Variants in KIAA1217 observed in about 807,000 individuals in gnomAD.
KIAA1217 encodes the protein KIAA1217, also known as sickle tail protein homolog.
Under a neutral mutation model 163.9 loss-of-function variants are expected in KIAA1217, and 88 were observed. The observed-to-expected ratio is 0.54, with a 90% CI of 0.45 to 0.64. The LOEUF (loss-of-function observed/expected upper bound fraction) is 0.64. Ranked by LOEUF, KIAA1217 falls within the 30% of genes least tolerant of loss-of-function variation. KIAA1217 has a pLI of 0.00. For missense variants in KIAA1217, 2,372 were observed against 2,475.0 expected (o/e 0.96, Z 0.88); for synonymous variants, 903 against 923.1 (o/e 0.98, Z 0.39).
intron 1 of KIAA1217, among the ~76,000 whole-genome samples, chr10:23,801,226 C>T (rs1416749326): frequency 6.6e-6 from 1 of 152,132 alleles, no homozygotes; most frequent in Non-Finnish European, 1.5e-5. Context: ...AACACAGGAA[C>T]AGAAAACTAT....
chr10:24,286,784 C>T lies in KIAA1217; in HGVS notation c.354+66875C>T, dbSNP rs75281195. On this transcript the variant is annotated intron_variant, in intron 2 of 20. Coordinates refer to ENST00000376454, the MANE Select transcript of KIAA1217 (RefSeq NM_019590.5). Reference sequence around the variant, plus strand: ...AACTCTTGGTGCTAAGATTCTGTTCCGTAGTTTCTCACCAAAGCATTCTGT... The same window carrying T: ...AACTCTTGGTGCTAAGATTCTGTTCTGTAGTTTCTCACCAAAGCATTCTGT... Among the ~76,000 whole-genome samples, 1,448 of 152,180 alleles carry T rather than the reference C, an allele frequency of 9.5e-3. 29 individuals are homozygous for T. The highest frequency in any genetic ancestry group is 0.084 in the East Asian group (435 of 5,178).
chr10:23,921,801 A>T (rs1842855926), intron 1 of KIAA1217, among the ~76,000 whole-genome samples: 1 of 152,130 alleles, frequency 6.6e-6, no homozygotes, highest in African/African-American at 2.4e-5. Context: ...TATTAGCAAA[A>T]CAGTGCTGTT....
intron 2 of KIAA1217, among the ~76,000 whole-genome samples, chr10:24,304,716 C>T (rs2041808946): frequency 1.3e-5 from 2 of 152,102 alleles, no homozygotes; most frequent in African/African-American, 2.4e-5. Context: ...AGAAAACTTC[C>T]TTACACCTGT....
intron 2 of KIAA1217, among the ~76,000 whole-genome samples, chr10:24,240,489 A>T (rs1423672518): frequency 6.6e-6 from 1 of 152,234 alleles, no homozygotes; most frequent in Non-Finnish European, 1.5e-5. Context: ...ACTCACATTC[A>T]TATTAAATTG....
At chr10:23,705,687 T>G (rs1836836661) in intron 1 of KIAA1217, among the ~76,000 whole-genome samples, 1 of 152,210 alleles carries the variant, frequency 6.6e-6, no homozygotes, top group Non-Finnish European at 1.5e-5. Flanking sequence ...TATTCAACTT[T>G]GTTCTTATTT....
At chr10:24,086,274 G>A (rs1247893501) in intron 2 of KIAA1217, among the ~76,000 whole-genome samples, 3 of 152,222 alleles carry the variant, frequency 2.0e-5, no homozygotes, top group East Asian at 3.9e-4. Context: ...CAGCAGTTGA[G>A]CAAATGAAAC....
intron 5 of KIAA1217, among the ~76,000 whole-genome samples, chr10:24,440,082 A>G (rs2060366055): frequency 6.6e-6 from 1 of 152,186 alleles, no homozygotes; most frequent in African/African-American, 2.4e-5. Flanking sequence ...CAGAGCCTAC[A>G]CTTCTGGAGG....
intron 1 of KIAA1217, among the ~76,000 whole-genome samples, chr10:23,921,952 A>T (rs1463919619): frequency 2.6e-5 from 4 of 152,066 alleles, no homozygotes; most frequent in Non-Finnish European, 4.4e-5. Context: ...CTAATGGATG[A>T]TTGGTGGCTG....
intron 2 of KIAA1217, among the ~76,000 whole-genome samples, chr10:24,203,182 G>GT: frequency 1.1e-5 from 1 of 90,560 alleles, no homozygotes; most frequent in South Asian, 3.2e-4. Context: ...GTAAAAACTT[G>GT]TCAAAAAAAA....
chr10:24,157,999 T>C, intron 2 of KIAA1217: 1 of 763,544 alleles, frequency 1.3e-6, no homozygotes, highest in Non-Finnish European at 2.4e-6. Flanking sequence ...TTAGTGGCCC[T>C]TCAGTAGGAG....
chr10:24,376,568 G>A (rs1303607114), intron 2 of KIAA1217, among the ~76,000 whole-genome samples: 1 of 152,164 alleles, frequency 6.6e-6, no homozygotes, highest in East Asian at 1.9e-4. Context: ...TTTGAGACCA[G>A]CCTGGGCAAC....
At position 24,501,729 on chromosome 10, in the gene KIAA1217, C is replaced by CTTTTTTTTTT. The variant is rs71397953; in HGVS notation, c.2001+212_2001+221dup. 3.3e-4 allele frequency among the ~76,000 whole-genome samples: 17 copies of CTTTTTTTTTT among 51,506 alleles called. 5 individuals are homozygous for CTTTTTTTTTT. The highest frequency in any genetic ancestry group is 1.1e-3 in the Admixed American group (4 of 3,584). 33.8% of individuals were successfully genotyped at this position (51,506 alleles called of 152,430 possible). ...AACTATAGTCAATCTATAACCACTT[C>CTTTTTTTTTT]TTTTTTTTTTTTTTTTTTTTTTTTT... On this transcript the variant is annotated intron_variant, in intron 9 of 20. Transcript: ENST00000376454.
At chr10:23,964,216 C>T (rs1488014152) in intron 1 of KIAA1217, among the ~76,000 whole-genome samples, 3 of 151,596 alleles carry the variant, frequency 2.0e-5, no homozygotes. Context: ...AGCTGTTTTT[C>T]ATATGTTTGT....
chr10:24,366,109 CAAAA>C (rs58806776), intron 2 of KIAA1217, among the ~76,000 whole-genome samples: 1 of 151,892 alleles, frequency 6.6e-6, no homozygotes, highest in Admixed American at 6.6e-5. Flanking sequence ...TTTTAAGTCA[CAAAA>C]AAATATTTCA....
At chr10:24,104,146 A>G (rs12249124) in intron 2 of KIAA1217, among the ~76,000 whole-genome samples, 6,589 of 152,272 alleles carry the variant, frequency 0.043, 501 homozygotes, top group African/African-American at 0.15. Flanking sequence ...ATGTGATCCA[A>G]CAATCATGCT....
Position 24,486,200 on chromosome 10 carries a change from T to C in KIAA1217, c.1680-8300T>C, listed in dbSNP as rs548285778. Among the ~76,000 whole-genome samples, 354 of 152,294 alleles carry C rather than the reference T, an allele frequency of 2.3e-3. 1 individual carries two copies. The highest frequency in any genetic ancestry group is 4.4e-3 in the Non-Finnish European group (301 of 68,018). ...CTCAGTCCCTGCCACCTTCAGCCTGTTCTCAGTGGAGGGGGCCAGAGTGAC... is the reference window on the plus strand; with the variant it reads ...CTCAGTCCCTGCCACCTTCAGCCTGCTCTCAGTGGAGGGGGCCAGAGTGAC... On this transcript the variant is annotated intron_variant, in intron 6 of 20. Coordinates refer to ENST00000376454, the MANE Select transcript of KIAA1217 (RefSeq NM_019590.5).
chr10:24,006,320 A>T (rs905241459), intron 1 of KIAA1217, among the ~76,000 whole-genome samples: 1 of 152,202 alleles, frequency 6.6e-6, no homozygotes, highest in Non-Finnish European at 1.5e-5. Flanking sequence ...AAGTGTGTTC[A>T]ATTACCTTTT....
At chr10:24,519,292 A>C (rs2070714412) in intron 10 of KIAA1217, among the ~76,000 whole-genome samples, 1 of 152,102 alleles carries the variant, frequency 6.6e-6, no homozygotes, top group Non-Finnish European at 1.5e-5. Context: ...GTGGCCAAGG[A>C]GGTGGTTGTT....
intron 1 of KIAA1217, among the ~76,000 whole-genome samples, chr10:23,933,166 G>A (rs1230971425): frequency 1.3e-5 from 2 of 152,160 alleles, no homozygotes; most frequent in Non-Finnish European, 1.5e-5. Flanking sequence ...GGGTCTGCTC[G>A]CTTGCATCCC....
Sources: gnomAD v4.1 joint callset for allele counts (sites outside exome capture counted in the v4.1 genomes callset) on GRCh38, gnomAD v4.1.1 for gene constraint, MANE v1.5 for transcripts, NCBI Gene and HGNC (gene_info 2026-07-23, HGNC 2026-07-21) for gene names.